Variants in RPA1 observed in about 807,000 individuals in gnomAD.
RPA1 encodes the protein replication protein A1, also known as replication protein A 70 kDa DNA-binding subunit.
In RPA1, 49 loss-of-function variants were observed where a neutral mutation model predicts 83.0. That is an observed-to-expected ratio of 0.59 (90% confidence interval 0.47 to 0.75). The LOEUF is 0.75. Ranked by LOEUF, RPA1 falls within the 30% of genes least tolerant of loss-of-function variation. The probability of loss-of-function intolerance (pLI) is 0.00; values close to 1 mark genes in which losing one functional copy is unlikely to be tolerated. For synonymous variants in RPA1, 279 were observed against 281.8 expected, an observed-to-expected ratio of 0.99 and a Z score of 0.10; for missense variants, 693 against 776.1, an observed-to-expected ratio of 0.89 and a Z score of 1.27.
At chr17:1,858,030 C>T (rs1368045286) in intron 5 of RPA1, 24 of 1,610,156 alleles carry the variant, frequency 1.5e-5, no homozygotes, top group Non-Finnish European at 2.0e-5. Flanking sequence ...TGCTGGGAGC[C>T]TCCTTTCTTC....
At chr17:1,846,311 CTTTTTTT>C (rs71150823) in intron 4 of RPA1, among the ~76,000 whole-genome samples, 2 of 75,802 alleles carry the variant, frequency 2.6e-5, no homozygotes, top group East Asian at 8.8e-4. Flanking sequence ...GGAAGCTTTG[CTTTTTTT>C]TTTTTTTTTT....
chr17:1,864,297 G>C (rs1374421715), intron 5 of RPA1, among the ~76,000 whole-genome samples: 1 of 152,252 alleles, frequency 6.6e-6, no homozygotes, highest in Admixed American at 6.5e-5. Flanking sequence ...AGCACTTTGG[G>C]AGGCTGAGGT....
intron 4 of RPA1, among the ~76,000 whole-genome samples, chr17:1,847,614 T>G (rs1912310343): frequency 6.6e-6 from 1 of 152,250 alleles, no homozygotes; most frequent in African/African-American, 2.4e-5. Context: ...CCTTGTACTT[T>G]ATCTTAACGT....
rs915740370 is a variant in RPA1 at position 1,898,859 on chromosome 17, C to T, written c.*1684C>T. 10 of 152,500 alleles carry T rather than the reference C, an allele frequency of 6.6e-5. No individual in the cohort carries two copies. The highest frequency in any genetic ancestry group is 1.9e-4 in the African/African-American group (8 of 41,452). The allele number at this position is 152,500 out of a possible 1,614,324, so 9.4% of individuals were successfully genotyped here. Reference sequence around the variant, plus strand: ...TCTGACCTTGCTTATAAAGCATCGACGAGAAAATTACAGTCTTCAACCCTC... The same window carrying T: ...TCTGACCTTGCTTATAAAGCATCGATGAGAAAATTACAGTCTTCAACCCTC... On this transcript the variant is annotated 3_prime_UTR_variant, in exon 17 of 17. Transcript: ENST00000254719.
chr17:1,872,308 C>T, intron 5 of RPA1, 126 bp from the exon 6 acceptor site: 1 of 1,409,396 alleles, frequency 7.1e-7, no homozygotes, highest in Non-Finnish European at 9.6e-7. Context: ...AGCACGAATT[C>T]TAATCCATGG....
At chr17:1,887,420 G>A (rs1385342256) in intron 13 of RPA1, among the ~76,000 whole-genome samples, 1 of 151,960 alleles carries the variant, frequency 6.6e-6, no homozygotes. Context: ...TTAGCTGGGC[G>A]TAGTGGTGCA....
In RPA1 at chr17:1,898,706, C is replaced by G. The variant is rs562113283; in HGVS notation, c.*1531C>G. The G allele has an allele frequency of 7.9e-5, 12 of 152,348 alleles. No individual in the cohort carries two copies. Among genetic ancestry groups the G allele is most frequent in the African/African-American group, 2.9e-4 (12 of 41,584 alleles). The allele number at this position is 152,348 out of a possible 1,614,324, so 9.4% of individuals were successfully genotyped here. A position where few individuals can be genotyped will look rare whatever the true frequency, so the allele number is the denominator to read the frequency against. The stretch of plus-strand genomic sequence containing the variant: ...TCCTGAGGACAGACACAGAGGGACT[C>G]CTGCTCAGCCTCACTAATTGTTTAG... On this transcript the variant is annotated 3_prime_UTR_variant, in exon 17 of 17. Coordinates refer to ENST00000254719, the MANE Select transcript of RPA1 (RefSeq NM_002945.5).
chr17:1,892,468 T>C (rs948433921), intron 15 of RPA1, among the ~76,000 whole-genome samples: 2 of 152,258 alleles, frequency 1.3e-5, no homozygotes, highest in African/African-American at 2.4e-5. Context: ...TATATAAAAG[T>C]ACTTTAAAAC....
intron 1 of RPA1, among the ~76,000 whole-genome samples, chr17:1,838,159 C>T (rs912486485): frequency 6.6e-6 from 1 of 150,946 alleles, no homozygotes; most frequent in Non-Finnish European, 1.5e-5. Flanking sequence ...GGCGTGGTGG[C>T]AGGCACCTGT....
chr17:1,886,729 C>T (rs1914008479), intron 13 of RPA1, among the ~76,000 whole-genome samples: 2 of 119,822 alleles, frequency 1.7e-5, no homozygotes, highest in Admixed American at 9.5e-5. Context: ...TTTTTTGAGA[C>T]AGAGTCTCAC....
chr17:1,852,834 A>G (rs1050529201), intron 4 of RPA1, among the ~76,000 whole-genome samples: 3 of 152,208 alleles, frequency 2.0e-5, no homozygotes, highest in African/African-American at 7.2e-5. Flanking sequence ...GTGTTTAGTA[A>G]TCTAAATTCT....
chr17:1,850,895 A>C (rs1270793366), intron 4 of RPA1, among the ~76,000 whole-genome samples: 2 of 150,344 alleles, frequency 1.3e-5, no homozygotes, highest in East Asian at 1.9e-4. Context: ...CTCTCTCTCA[A>C]AAAAAAAAAT....
At chr17:1,874,268 G>T (rs1029028743) in intron 6 of RPA1, among the ~76,000 whole-genome samples, 11 of 152,168 alleles carry the variant, frequency 7.2e-5, no homozygotes, top group Non-Finnish European at 1.0e-4. Flanking sequence ...ACTTTGGGAG[G>T]CCAGGGCAGG....
intron 13 of RPA1, among the ~76,000 whole-genome samples, chr17:1,887,960 A>G (rs1914057951): frequency 6.6e-6 from 1 of 152,222 alleles, no homozygotes; most frequent in Non-Finnish European, 1.5e-5. Context: ...TGACACAGAG[A>G]CATAAAGTGA....
intron 1 of RPA1, among the ~76,000 whole-genome samples, chr17:1,841,042 G>A (rs1260704350): frequency 1.3e-5 from 2 of 152,212 alleles, no homozygotes; most frequent in Non-Finnish European, 1.5e-5. Flanking sequence ...GCTCTAGCAC[G>A]ACAGAGCGAA....
Position 1,830,040 on chromosome 17 carries a change from G to C in RPA1, c.-54G>C, listed in dbSNP as rs562711050. 31 of 1,247,030 alleles carry C rather than the reference G, an allele frequency of 2.5e-5. No individual in the cohort carries two copies. The African/African-American group carries it at 4.5e-4, about 18-fold the overall frequency. 77.2% of individuals were successfully genotyped at this position (1,247,030 alleles called of 1,614,324 possible). ...TAACTGCGCAGCGCGCGGGACCCGGGTGGGGAAGCTGGAGCTGTTGCGGGG... is the reference window on the plus strand; with the variant it reads ...TAACTGCGCAGCGCGCGGGACCCGGCTGGGGAAGCTGGAGCTGTTGCGGGG... On this transcript the variant is annotated 5_prime_UTR_variant, in exon 1 of 17. Transcript: ENST00000254719.
intron 4 of RPA1, among the ~76,000 whole-genome samples, chr17:1,852,010 C>T (rs913625701): frequency 6.6e-6 from 1 of 152,166 alleles, no homozygotes; most frequent in Non-Finnish European, 1.5e-5. Context: ...TAAATATTGC[C>T]CTAGGCCTGT....
chr17:1,889,499 C>T (rs1914126027), intron 14 of RPA1, among the ~76,000 whole-genome samples: 1 of 151,910 alleles, frequency 6.6e-6, no homozygotes, highest in Admixed American at 6.6e-5. Context: ...CCACACCCAG[C>T]TAATTTTTAA....
intron 13 of RPA1, among the ~76,000 whole-genome samples, chr17:1,888,291 G>C (rs541740010): frequency 1.3e-5 from 2 of 152,324 alleles, no homozygotes; most frequent in African/African-American, 4.8e-5. Context: ...TCCGCATTCT[G>C]TATTTCCTAG....
Sources: allele counts gnomAD v4.1 joint callset (sites outside exome capture counted in the v4.1 genomes callset), GRCh38; gene constraint gnomAD v4.1.1; transcripts MANE v1.5; gene names NCBI Gene and HGNC (gene_info 2026-07-23, HGNC 2026-07-21).